Variants in RUNX1 observed in about 807,000 individuals in gnomAD.
The protein encoded by RUNX1 is runt-related transcription factor 1.
In RUNX1, 19 loss-of-function variants were observed where a neutral mutation model predicts 42.8. The ratio of observed to expected loss-of-function variants is 0.44; its 90% CI spans 0.31 to 0.65. The LOEUF is 0.65. Among genes scored for constraint, RUNX1 ranks in the 30% least tolerant of loss-of-function variants. The pLI is 0.07. For synonymous variants in RUNX1, 271 were observed against 289.4 expected, an observed-to-expected ratio of 0.94 and a Z score of 0.64; for missense variants, 528 against 672.0, an observed-to-expected ratio of 0.79 and a Z score of 2.37.
In RUNX1 at chr21:34,941,669, T is replaced by C. The variant is rs575729055; in HGVS notation, c.59-48706A>G. Among the ~76,000 whole-genome samples, 8 of 152,358 alleles carry C rather than the reference T, an allele frequency of 5.3e-5. No homozygotes were observed. In the South Asian group the frequency reaches 1.7e-3, roughly 32 times the overall value. ...ATACTCTACAAAAAAATGTTTTATC[T>C]CTATTCACCTCCATTCTTTTTGAAG... On this transcript the variant is annotated intron_variant, in intron 2 of 8. Coordinates refer to ENST00000675419, the MANE Select transcript of RUNX1 (RefSeq NM_001754.5).
chr21:35,036,965 C>G (rs754996716), intron 2 of RUNX1, among the ~76,000 whole-genome samples: 1 of 152,160 alleles, frequency 6.6e-6, no homozygotes, highest in Non-Finnish European at 1.5e-5. Context: ...CTGGGTACAT[C>G]ACTCTGTGGT....
chr21:34,854,283 G>C (rs1229150477), intron 6 of RUNX1, among the ~76,000 whole-genome samples: 2 of 152,160 alleles, frequency 1.3e-5, no homozygotes, highest in Non-Finnish European at 2.9e-5. Context: ...AAAAGTAGCT[G>C]AGTGAAGATT....
chr21:34,889,593 C>G (rs976742657), intron 3 of RUNX1: 1 of 923,840 alleles, frequency 1.1e-6, no homozygotes. Context: ...CCGGGCCCCG[C>G]GTCTCCCCTC....
chr21:34,877,697 G>A (rs1052077707), intron 5 of RUNX1, among the ~76,000 whole-genome samples: 15 of 152,208 alleles, frequency 9.9e-5, no homozygotes, highest in African/African-American at 3.4e-4. Context: ...GAATGAACCC[G>A]AGGTTAGGAG....
At chr21:35,047,555 A>AT (rs2059407479) in intron 2 of RUNX1, among the ~76,000 whole-genome samples, 1 of 84,306 alleles carries the variant, frequency 1.2e-5, no homozygotes, top group Non-Finnish European at 2.2e-5. Context: ...ACACACACAC[A>AT]CACACACTCT....
rs560559161 is a variant in RUNX1 at position 35,042,850 on chromosome 21, G to A, written c.58+5992C>T. 3.9e-5 allele frequency among the ~76,000 whole-genome samples: 6 copies of A among 152,250 alleles called. No homozygotes were observed. In the East Asian group the frequency reaches 9.6e-4, roughly 24 times the overall value. On this transcript the variant is annotated intron_variant, in intron 2 of 8. Transcript: ENST00000675419. ...ATTTTCATGGGTAAACCTGAGCAAG[G>A]GCCTTACTCTTTCTGTCACTGCAAT...
intron 5 of RUNX1, among the ~76,000 whole-genome samples, chr21:34,864,291 G>A (rs1196639484): frequency 6.6e-6 from 1 of 152,254 alleles, no homozygotes; most frequent in Admixed American, 6.5e-5. Context: ...GTACATGGGT[G>A]TGGAGCACAA....
rs138360604 is a variant in RUNX1, at chr21:34,975,804, G to A, written c.58+73038C>T. ...AGCAGTTGGGTGTGTAGCTCTTGGG[G>A]GGCGGAAATAGTTTTGGAGGGGAGA... On this transcript the variant is annotated intron_variant, in intron 2 of 8. Coordinates refer to ENST00000675419, the MANE Select transcript of RUNX1 (RefSeq NM_001754.5). 5.9e-3 allele frequency among the ~76,000 whole-genome samples: 904 copies of A among 152,206 alleles called. 3 individuals are homozygous for A. The highest frequency in any genetic ancestry group is 8.2e-3 in the Non-Finnish European group (561 of 68,012).
chr21:35,035,174 G>C (rs563898548), intron 2 of RUNX1, among the ~76,000 whole-genome samples: 54 of 152,304 alleles, frequency 3.5e-4, no homozygotes, highest in African/African-American at 1.2e-3. Context: ...ACCATGTATC[G>C]GGCAGCATAT....
rs140602574 is a variant in RUNX1, at chr21:34,998,918, A to G, written c.58+49924T>C. Among the ~76,000 whole-genome samples the G allele has an allele frequency of 4.3e-4, 65 of 152,346 alleles. No homozygotes were observed. In the East Asian group the frequency reaches 0.012, roughly 27 times the overall value. ...TCCACCCATGAAGTACAGTTGGGAA[A>G]TCTGTGCTCCAAAGCAAAACCATTC... On this transcript the variant is annotated intron_variant, in intron 2 of 8. Coordinates refer to ENST00000675419, the MANE Select transcript of RUNX1 (RefSeq NM_001754.5).
chr21:35,016,978 C>T (rs1338230437), intron 2 of RUNX1, among the ~76,000 whole-genome samples: 1 of 142,422 alleles, frequency 7.0e-6, no homozygotes, highest in East Asian at 2.0e-4. Context: ...AGTAAGGGCC[C>T]AAAGAGCAGT....
rs188904737 is a variant in RUNX1, at chr21:34,807,615, C to T, written c.806-8153G>A. On this transcript the variant is annotated intron_variant, in intron 7 of 8. Transcript: ENST00000675419. ...GAAGGTAGGGACGTTCCCAGGGTTC[C>T]CTCCAGATTCACCTCAGTCATGGGG... is the stretch of plus-strand genomic sequence containing the variant. Among the ~76,000 whole-genome samples the T allele has an allele frequency of 9.8e-5, 15 of 152,288 alleles. No homozygotes were observed. The East Asian group carries it at 2.9e-3, about 29-fold the overall frequency.
chr21:34,837,520 A>T (rs2057165258), intron 6 of RUNX1, among the ~76,000 whole-genome samples: 1 of 152,270 alleles, frequency 6.6e-6, no homozygotes, highest in African/African-American at 2.4e-5. Context: ...CTTCCGATAT[A>T]AACTTTCAAG....
intron 2 of RUNX1, among the ~76,000 whole-genome samples, chr21:34,953,240 C>A (rs1036556047): frequency 6.6e-6 from 1 of 152,090 alleles, no homozygotes; most frequent in Non-Finnish European, 1.5e-5. Flanking sequence ...GTGTGATACC[C>A]AATGTCCATT....
intron 2 of RUNX1, among the ~76,000 whole-genome samples, chr21:35,021,623 G>T (rs2059198862): frequency 6.6e-6 from 1 of 152,348 alleles, no homozygotes; most frequent in Non-Finnish European, 1.5e-5. Flanking sequence ...CATTTTGCTT[G>T]TAGAGTTGAG....
intron 2 of RUNX1, among the ~76,000 whole-genome samples, chr21:34,946,706 A>G (rs773989128): frequency 6.6e-6 from 1 of 152,218 alleles, no homozygotes; most frequent in Middle Eastern, 3.4e-3. Flanking sequence ...AGTGTACAAG[A>G]GCTTCCTGGG....
intron 7 of RUNX1, among the ~76,000 whole-genome samples, chr21:34,804,183 T>C (rs1426140812): frequency 6.6e-6 from 1 of 152,214 alleles, no homozygotes; most frequent in Non-Finnish European, 1.5e-5. Flanking sequence ...TTTGACAGAT[T>C]GCTAGAGGCT....
chr21:34,849,350 G>C (rs1475809491), intron 6 of RUNX1, among the ~76,000 whole-genome samples: 3 of 29,928 alleles, frequency 1.0e-4, no homozygotes, highest in Admixed American at 7.7e-4. Flanking sequence ...ATTATATATA[G>C]TATATATAAT....
chr21:34,904,298 A>C (rs552655352), intron 2 of RUNX1, among the ~76,000 whole-genome samples: 1 of 152,258 alleles, frequency 6.6e-6, no homozygotes, highest in African/African-American at 2.4e-5. Context: ...AAAGAGTGGA[A>C]AGATTTTTTT....
Sources: gnomAD v4.1 joint callset for allele counts (sites outside exome capture counted in the v4.1 genomes callset) on GRCh38, gnomAD v4.1.1 for gene constraint, MANE v1.5 for transcripts, NCBI Gene and HGNC (gene_info 2026-07-23, HGNC 2026-07-21) for gene names.